The following SH3BGR variants were observed in gnomAD, a reference collection of about 807,000 sequenced individuals.
SH3BGR encodes SH3 domain binding glutamate rich protein.
Under a neutral mutation model 24.5 loss-of-function variants are expected in SH3BGR, and 29 were observed. That is an observed-to-expected ratio of 1.18 (90% CI 0.88 to 1.61). The LOEUF is 1.61. SH3BGR is among the 40% of genes most tolerant of loss of function. The pLI is 0.00. For missense variants in SH3BGR, 162 were observed against 205.8 expected (o/e 0.79, Z 1.30); for synonymous variants, 55 against 65.7 (o/e 0.84, Z 0.79).
upstream of SH3BGR, among the ~76,000 whole-genome samples, chr21:39,448,464 C>A (rs1167763321): frequency 6.6e-6 from 1 of 152,090 alleles, no homozygotes; most frequent in East Asian, 1.9e-4. Context: ...GTCTTTAAAT[C>A]AAAATTAATC....
chr21:39,477,875 G>A (rs1030643878), intron 3 of SH3BGR, among the ~76,000 whole-genome samples: 4 of 152,108 alleles, frequency 2.6e-5, no homozygotes, highest in East Asian at 3.8e-4. Flanking sequence ...TATTTTTTAA[G>A]TTGACAAATA....
At chr21:39,512,622 C>A (rs1190762055) in intron 6 of SH3BGR, among the ~76,000 whole-genome samples, 1 of 152,062 alleles carries the variant, frequency 6.6e-6, no homozygotes, top group Admixed American at 6.6e-5. Flanking sequence ...TGCGTGAAAA[C>A]CCCTAAAGAC....
rs112633853 is a variant in SH3BGR at position 39,511,850 on chromosome 21, G to T, written c.*34+41G>T. The T allele has an allele frequency of 3.9e-6, 6 of 1,548,990 alleles. No individual in the cohort carries two copies. In the East Asian group the frequency reaches 1.4e-4, roughly 35 times the overall value. On this transcript the variant is annotated intron_variant, in intron 6 of 6. Transcript: ENST00000333634. The surrounding 1 kb of genome is among the most constrained non-coding windows in gnomAD (Gnocchi z 4.2). ...TGGGGTGGAAAAGCTGCTAGTTACC[G>T]TACTGTATGCTATCTGCGGCACATT...
At chr21:39,455,950 C>T (rs866357269) in intron 1 of SH3BGR, among the ~76,000 whole-genome samples, 2 of 152,130 alleles carry the variant, frequency 1.3e-5, no homozygotes, top group Non-Finnish European at 2.9e-5. Context: ...CCAACAGTCC[C>T]GCAATGGACC....
chr21:39,468,061 G>C (rs907750112), intron 2 of SH3BGR, among the ~76,000 whole-genome samples: 1 of 152,208 alleles, frequency 6.6e-6, no homozygotes, highest in African/African-American at 2.4e-5. Context: ...CGGAGTGCCT[G>C]CCTGGGACCA....
intron 4 of SH3BGR, among the ~76,000 whole-genome samples, chr21:39,502,104 CAG>C (rs1391800818): frequency 6.6e-6 from 1 of 152,146 alleles, no homozygotes; most frequent in African/African-American, 2.4e-5. Flanking sequence ...ACCCGGGAGG[CAG>C]AGTTTGCAGT....
At chr21:39,465,239 C>G (rs1230792436) in intron 2 of SH3BGR, among the ~76,000 whole-genome samples, 12 of 152,156 alleles carry the variant, frequency 7.9e-5, no homozygotes, top group Non-Finnish European at 1.6e-4. Flanking sequence ...TGGCTACCTT[C>G]CCCTGAGCCA....
chr21:39,510,508 T>TA (rs2078668664), intron 5 of SH3BGR, among the ~76,000 whole-genome samples: 2 of 151,134 alleles, frequency 1.3e-5, no homozygotes, highest in African/African-American at 4.9e-5. Context: ...AATACTCTTG[T>TA]AGTCTCCTTT....
intron 4 of SH3BGR, among the ~76,000 whole-genome samples, chr21:39,500,981 G>C (rs1237098244): frequency 1.3e-5 from 2 of 152,146 alleles, no homozygotes; most frequent in Non-Finnish European, 2.9e-5. Flanking sequence ...TGAAGTTTTT[G>C]TTTTAAAGAA....
At chr21:39,510,202 A>G (rs2078654676) in intron 5 of SH3BGR, among the ~76,000 whole-genome samples, 1 of 151,430 alleles carries the variant, frequency 6.6e-6, no homozygotes, top group Non-Finnish European at 1.5e-5. Context: ...TCGGCCTCCC[A>G]AAGTGCTGGG....
intron 3 of SH3BGR, among the ~76,000 whole-genome samples, chr21:39,493,927 T>G (rs923452693): frequency 2.5e-4 from 38 of 152,210 alleles, no homozygotes; most frequent in African/African-American, 8.4e-4. Context: ...ACTGTTGGTG[T>G]ATAGGAGAGC....
chr21:39,496,456 C>T (rs113088785), intron 3 of SH3BGR, among the ~76,000 whole-genome samples: 6,915 of 145,612 alleles, frequency 0.047, 285 homozygotes, highest in African/African-American at 0.11. Flanking sequence ...GCCGAGATTG[C>T]GCCACCGCAG....
At chr21:39,504,432 C>T (rs888345196) in intron 4 of SH3BGR, among the ~76,000 whole-genome samples, 18 of 152,308 alleles carry the variant, frequency 1.2e-4, no homozygotes, top group Admixed American at 7.8e-4. Context: ...CACCTGTTCC[C>T]AGTGAACGCT....
intron 2 of SH3BGR, among the ~76,000 whole-genome samples, chr21:39,467,720 G>A (rs1476962344): frequency 6.6e-6 from 1 of 152,104 alleles, no homozygotes; most frequent in Non-Finnish European, 1.5e-5. Context: ...TCAGTCATAT[G>A]CCATGCCTGA....
At chr21:39,490,158 G>A (rs1025898831) in intron 3 of SH3BGR, among the ~76,000 whole-genome samples, 1 of 152,214 alleles carries the variant, frequency 6.6e-6, no homozygotes, top group African/African-American at 2.4e-5. Context: ...AAACTAAACA[G>A]TAGTGAGATA....
chr21:39,490,297 T>A (rs2078277843), intron 3 of SH3BGR, among the ~76,000 whole-genome samples: 1 of 152,176 alleles, frequency 6.6e-6, no homozygotes, highest in Non-Finnish European at 1.5e-5. Context: ...CAGGCTGTCA[T>A]GAATTAATAC....
In SH3BGR at chr21:39,500,643, C is replaced by G. The variant is rs377347095; in HGVS notation, c.405+728C>G. Among the ~76,000 whole-genome samples, 18 of 152,218 alleles carry G rather than the reference C, an allele frequency of 1.2e-4. No homozygotes were observed. The East Asian group carries it at 2.5e-3, about 21-fold the overall frequency. On this transcript the variant is annotated intron_variant, in intron 4 of 6. Transcript: ENST00000333634. The stretch of plus-strand genomic sequence containing the variant: ...ATGGGGTGCAGGCATTGTTCTGGGC[C>G]TCCTTAGAGGAGAATGTTAGAGGGC...
intron 6 of SH3BGR, among the ~76,000 whole-genome samples, chr21:39,512,092 G>A (rs2123572691): frequency 6.6e-6 from 1 of 152,250 alleles, no homozygotes; most frequent in Non-Finnish European, 1.5e-5. Context: ...GAAGAGTTTT[G>A]TTTTGCATTT....
intron 2 of SH3BGR, among the ~76,000 whole-genome samples, chr21:39,469,873 C>T (rs945242513): frequency 3.9e-5 from 6 of 152,062 alleles, no homozygotes; most frequent in Admixed American, 1.3e-4. Flanking sequence ...CCAGGTTGGT[C>T]TTGGACTCCT....
Sources: gnomAD v4.1 joint callset for allele counts (sites outside exome capture counted in the v4.1 genomes callset) on GRCh38, gnomAD v4.1.1 for gene constraint, Gnocchi (gnomAD v3.1) non-coding constraint, MANE v1.5 for transcripts, NCBI Gene and HGNC (gene_info 2026-07-23, HGNC 2026-07-21) for gene names.